Variants in NEXMIF observed in about 807,000 individuals in gnomAD.
NEXMIF encodes the protein XLMR protein related to neurite extension.
NEXMIF carries 8 observed loss-of-function variants against 62.1 expected under a neutral mutation model. That is an observed-to-expected ratio of 0.13 (90% CI 0.08 to 0.23). NEXMIF has a LOEUF of 0.23. Among genes scored for constraint, NEXMIF ranks in the 10% least tolerant of loss-of-function variants. The pLI is 1.00. For synonymous variants in NEXMIF, 404 were observed against 416.6 expected, an observed-to-expected ratio of 0.97 and a Z score of 0.37; for missense variants, 976 against 1,113.3, an observed-to-expected ratio of 0.88 and a Z score of 1.75.
At chrX:74,759,697 T>C (rs986698395) in intron 1 of NEXMIF, among the ~76,000 whole-genome samples, 2 of 111,590 alleles carry the variant, frequency 1.8e-5, no homozygotes, top group Non-Finnish European at 3.8e-5. Flanking sequence ...TAGATGGCTA[T>C]AGGTGAGAGG....
chrX:74,919,870 G>A (rs989364459), intron 1 of NEXMIF, among the ~76,000 whole-genome samples: 7 of 110,180 alleles, frequency 6.4e-5, no homozygotes, highest in Admixed American at 2.0e-4. Context: ...GTGAGAACAC[G>A]CGGTGTTTGG....
At chrX:74,814,164 T>C (rs1185954127) in intron 1 of NEXMIF, among the ~76,000 whole-genome samples, 1 of 111,625 alleles carries the variant, frequency 9.0e-6, no homozygotes, top group African/African-American at 3.3e-5. Context: ...GTTGCCGAGG[T>C]AGGAATTACT....
chrX:74,889,952 G>GTCTCTC (rs72364877), intron 1 of NEXMIF, among the ~76,000 whole-genome samples: 1 of 91,144 alleles, frequency 1.1e-5, no homozygotes, highest in African/African-American at 3.8e-5. Flanking sequence ...AACCTAATCT[G>GTCTCTC]TCTCTCTCTC....
At chrX:74,750,721 T>C (rs1280191693) in intron 1 of NEXMIF, among the ~76,000 whole-genome samples, 3 of 111,347 alleles carry the variant, frequency 2.7e-5, no homozygotes, top group Admixed American at 9.6e-5. Flanking sequence ...TTCAGATATC[T>C]ATCAGGATTT....
Position 74,744,640 on chromosome X carries a change from C to T in NEXMIF, c.80-163G>A, listed in dbSNP as rs781285349. Among the ~76,000 whole-genome samples, 102 of 112,256 alleles carry T rather than the reference C, an allele frequency of 9.1e-4. No homozygotes were observed. The Middle Eastern group carries it at 0.014, about 15-fold the overall frequency. On this transcript the variant is annotated intron_variant, in intron 2 of 3. Coordinates refer to ENST00000055682, the MANE Select transcript of NEXMIF (RefSeq NM_001008537.3). ...TAAAAACTACAACGTTAAAGAACAACGCTGATTTTATATTGAACATTCATG... is the reference window on the plus strand; with the variant it reads ...TAAAAACTACAACGTTAAAGAACAATGCTGATTTTATATTGAACATTCATG...
At chrX:74,877,296 C>A (rs2080639911) in intron 1 of NEXMIF, among the ~76,000 whole-genome samples, 2 of 111,427 alleles carry the variant, frequency 1.8e-5, no homozygotes, top group African/African-American at 6.5e-5. Context: ...AAATTCTTTT[C>A]TTTAAGAATG....
At chrX:74,780,722 A>G (rs1214493090) in intron 1 of NEXMIF, among the ~76,000 whole-genome samples, 2 of 111,761 alleles carry the variant, frequency 1.8e-5, no homozygotes, top group Non-Finnish European at 3.8e-5. Context: ...AAAATATTTC[A>G]TATCTGTTAT....
chrX:74,900,977 T>C lies in NEXMIF; in HGVS notation c.-48+23906A>G, dbSNP rs150399212. Reference sequence around the variant, plus strand: ...AAATCCATAGGGATAGAAAATAGAATGCTGGCTGCCAGGGGCTGGGGAGAA... The same window carrying C: ...AAATCCATAGGGATAGAAAATAGAACGCTGGCTGCCAGGGGCTGGGGAGAA... On this transcript the variant is annotated intron_variant, in intron 1 of 3. Transcript: ENST00000055682. 6.5e-3 allele frequency among the ~76,000 whole-genome samples: 729 copies of C among 111,576 alleles called. 10 individuals are homozygous for C. Among genetic ancestry groups the C allele is most frequent in the African/African-American group, 0.022 (692 of 30,770 alleles).
chrX:74,814,146 C>T (rs1189785504), intron 1 of NEXMIF, among the ~76,000 whole-genome samples: 1 of 111,579 alleles, frequency 9.0e-6, no homozygotes, highest in Non-Finnish European at 1.9e-5. Context: ...ATTTAATCAT[C>T]ACAACAAGTT....
chrX:74,781,317 C>T (rs908887904), intron 1 of NEXMIF, among the ~76,000 whole-genome samples: 2 of 112,376 alleles, frequency 1.8e-5, no homozygotes, highest in Non-Finnish European at 1.9e-5. Context: ...TGGCATAAAT[C>T]GATGAGGGCA....
intron 1 of NEXMIF, among the ~76,000 whole-genome samples, chrX:74,898,143 G>A (rs1297693503): frequency 9.0e-6 from 1 of 111,668 alleles, no homozygotes; most frequent in African/African-American, 3.3e-5. Flanking sequence ...ATGGAAATGA[G>A]AAAAATGTAA....
chrX:74,777,950 C>A (rs1003763765), intron 1 of NEXMIF, among the ~76,000 whole-genome samples: 1 of 111,608 alleles, frequency 9.0e-6, no homozygotes, highest in African/African-American at 3.3e-5. Context: ...CCTATTGAAT[C>A]CACTGACCTC....
In NEXMIF at chrX:74,823,383, A is replaced by G. The variant is rs185362334; in HGVS notation, c.-47-77686T>C. ...TTACATCTTGATAAAGCTGCTAAAAATAACTGGTCTATACTCTTCAAAAAA... is the reference window on the plus strand; with the variant it reads ...TTACATCTTGATAAAGCTGCTAAAAGTAACTGGTCTATACTCTTCAAAAAA... On this transcript the variant is annotated intron_variant, in intron 1 of 3. Coordinates refer to ENST00000055682, the MANE Select transcript of NEXMIF (RefSeq NM_001008537.3). 2.7e-5 allele frequency among the ~76,000 whole-genome samples: 3 copies of G among 111,784 alleles called. No homozygotes were observed. In the East Asian group the frequency reaches 8.4e-4, roughly 31 times the overall value.
chrX:74,793,989 C>T (rs1293913021), intron 1 of NEXMIF, among the ~76,000 whole-genome samples: 1 of 84,223 alleles, frequency 1.2e-5, no homozygotes, highest in East Asian at 3.8e-4. Context: ...CAAAGTCATT[C>T]TCCACCCAGC....
chrX:74,876,297 G>T (rs1290738239), intron 1 of NEXMIF, among the ~76,000 whole-genome samples: 1 of 111,333 alleles, frequency 9.0e-6, no homozygotes, highest in East Asian at 2.8e-4. Context: ...GTAGTTGAGC[G>T]GTTTTGAGTG....
intron 1 of NEXMIF, among the ~76,000 whole-genome samples, chrX:74,920,374 C>A (rs909947425): frequency 1.8e-5 from 2 of 112,290 alleles, no homozygotes; most frequent in African/African-American, 6.5e-5. Context: ...CTCTGATGGC[C>A]AGTGATGATG....
intron 1 of NEXMIF, among the ~76,000 whole-genome samples, chrX:74,796,243 TAC>T (rs72319116): frequency 6.0e-4 from 22 of 36,953 alleles, no homozygotes; most frequent in Admixed American, 1.7e-3. Context: ...TATATATATA[TAC>T]ACATATATAT....
At chrX:74,786,223 G>C (rs997758940) in intron 1 of NEXMIF, among the ~76,000 whole-genome samples, 1 of 111,619 alleles carries the variant, frequency 9.0e-6, no homozygotes, top group Non-Finnish European at 1.9e-5. Context: ...TTTGGAATCA[G>C]CAAGTCCAGT....
chrX:74,890,273 T>C (rs1034303822), intron 1 of NEXMIF, among the ~76,000 whole-genome samples: 1 of 111,066 alleles, frequency 9.0e-6, no homozygotes, highest in Non-Finnish European at 1.9e-5. Flanking sequence ...AGTCATACTT[T>C]ATAGACAGTA....
Sources: gnomAD v4.1 joint callset for allele counts (sites outside exome capture counted in the v4.1 genomes callset) on GRCh38, gnomAD v4.1.1 for gene constraint, MANE v1.5 for transcripts, NCBI Gene and HGNC (gene_info 2026-07-23, HGNC 2026-07-21) for gene names.